Variants in PDE6A observed in about 807,000 individuals in gnomAD.
PDE6A encodes rod cGMP-specific 3',5'-cyclic phosphodiesterase subunit alpha.
PDE6A carries 84 observed loss-of-function variants against 106.3 expected under a neutral mutation model. The ratio of observed to expected loss-of-function variants is 0.79; its 90% CI spans 0.66 to 0.95. PDE6A has a LOEUF of 0.95. PDE6A is among the 40% of genes least tolerant of loss of function. The pLI, the probability that PDE6A is intolerant of heterozygous loss-of-function variation, is 0.00. For missense variants in PDE6A, 1,052 were observed against 1,084.9 expected (o/e 0.97, Z 0.43); for synonymous variants, 394 against 386.6 (o/e 1.02, Z -0.23).
chr5:149,902,682 C>T (rs57622971), intron 8 of PDE6A, among the ~76,000 whole-genome samples: 3 of 151,902 alleles, frequency 2.0e-5, no homozygotes, highest in African/African-American at 4.8e-5. Context: ...ATTAGCCGGG[C>T]GTAGTGGCGG....
chr5:149,889,081 C>CAAAAAAAAAAAAAAAAAAAAAAAAAAAA (rs568428704), intron 13 of PDE6A, among the ~76,000 whole-genome samples: 7 of 61,572 alleles, frequency 1.1e-4, no homozygotes, highest in African/African-American at 3.6e-4. Flanking sequence ...GACTCTGTCT[C>CAAAAAAAAAAAAAAAAAAAAAAAAAAAA]AAAAAAAAAA....
chr5:149,918,153 T>G (rs1049435478), intron 5 of PDE6A, among the ~76,000 whole-genome samples: 5 of 152,218 alleles, frequency 3.3e-5, no homozygotes, highest in Non-Finnish European at 5.9e-5. Flanking sequence ...TGATGGATCC[T>G]AGAGATATAC....
intron 5 of PDE6A, among the ~76,000 whole-genome samples, chr5:149,921,186 C>T (rs963584089): frequency 1.3e-5 from 2 of 152,110 alleles, no homozygotes; most frequent in East Asian, 3.8e-4. Context: ...TCTCTTTCCA[C>T]AGCTGTGAAA....
chr5:149,921,496 G>A (rs1302884262), intron 5 of PDE6A, 139 bp downstream of exon 5: 4 of 668,462 alleles, frequency 6.0e-6, no homozygotes, highest in South Asian at 1.8e-5. Context: ...TTGAATATGA[G>A]AGATTATTCT....
At chr5:149,921,762 G>A in intron 4 of PDE6A, 53 bp from the exon 5 acceptor site, 3 of 1,450,622 alleles carry the variant, frequency 2.1e-6, no homozygotes, top group Non-Finnish European at 2.9e-6. Context: ...TCAAGGAAAG[G>A]AGATTAAGAT....
intron 5 of PDE6A, among the ~76,000 whole-genome samples, chr5:149,915,751 C>T (rs974971619): frequency 6.6e-6 from 1 of 152,200 alleles, no homozygotes; most frequent in Non-Finnish European, 1.5e-5. Flanking sequence ...CAAAAAAGTA[C>T]TCAGGACACT....
At position 149,858,240 on chromosome 5, in the gene PDE6A, GCTA is replaced by G. The variant is rs1190402417; in HGVS notation, c.*2652_*2654del. ...CCTTAAATATGTATACTTTTTATTT[GCTA>G]ATTATACCTCCATAAAGCTGGTGGT... On this transcript the variant is annotated 3_prime_UTR_variant, in exon 22 of 22. Coordinates refer to ENST00000255266, the MANE Select transcript of PDE6A (RefSeq NM_000440.3). 1 of 152,056 alleles carries G rather than the reference GCTA, an allele frequency of 6.6e-6. No individual in the cohort carries two copies. Among genetic ancestry groups the G allele is most frequent in the East Asian group, 1.9e-4 (1 of 5,190 alleles). 9.4% of individuals were successfully genotyped at this position (152,056 alleles called of 1,614,324 possible).
chr5:149,938,367 G>T (rs548768119), intron 1 of PDE6A, among the ~76,000 whole-genome samples: 3 of 152,268 alleles, frequency 2.0e-5, no homozygotes, highest in East Asian at 3.9e-4. Flanking sequence ...ATGTGAGAGG[G>T]TCTACAAATG....
At chr5:149,939,660 G>A (rs1754275436) in intron 1 of PDE6A, among the ~76,000 whole-genome samples, 1 of 152,136 alleles carries the variant, frequency 6.6e-6, no homozygotes, top group Non-Finnish European at 1.5e-5. Flanking sequence ...CTGTGGGGTA[G>A]CTCTTATTTC....
chr5:149,944,733 G>A lies in PDE6A; in HGVS notation c.-60C>T. Reference sequence around the variant, plus strand: ...CTGGGACGGAGGCCTTCCAATGGCAGTTTTGCAGTCTGCAACAAGTCCAGT... The same window carrying A: ...CTGGGACGGAGGCCTTCCAATGGCAATTTTGCAGTCTGCAACAAGTCCAGT... On this transcript the variant is annotated 5_prime_UTR_variant, in exon 1 of 22. Coordinates refer to ENST00000255266, the MANE Select transcript of PDE6A (RefSeq NM_000440.3). 3 of 1,390,450 alleles carry A rather than the reference G, an allele frequency of 2.2e-6. No homozygotes were observed. The highest frequency in any genetic ancestry group is 2.4e-5 in the East Asian group (1 of 41,340). The allele number at this position is 1,390,450 out of a possible 1,614,324, so 86.1% of individuals were successfully genotyped here.
intron 4 of PDE6A, among the ~76,000 whole-genome samples, chr5:149,925,694 G>A (rs1753845734): frequency 1.7e-5 from 2 of 115,614 alleles, no homozygotes; most frequent in Admixed American, 1.0e-4. Flanking sequence ...GTGACAGAAT[G>A]AGACTCTGTC....
chr5:149,866,046 T>G, intron 20 of PDE6A, 124 bp downstream of exon 20: 1 of 727,458 alleles, frequency 1.4e-6, no homozygotes, highest in Non-Finnish European at 2.5e-6. Flanking sequence ...CCATTAGAGA[T>G]GAGAAGCGCT....
At chr5:149,867,529 G>T in intron 19 of PDE6A, 196 bp downstream of exon 19, 1 of 655,648 alleles carries the variant, frequency 1.5e-6, no homozygotes, top group Non-Finnish European at 2.8e-6. Flanking sequence ...GGTGAGGCTT[G>T]TGAATATACA....
At chr5:149,943,424 T>C (rs1378899191) in intron 1 of PDE6A, among the ~76,000 whole-genome samples, 1 of 152,180 alleles carries the variant, frequency 6.6e-6, no homozygotes, top group Non-Finnish European at 1.5e-5. Flanking sequence ...TCTTTCTACA[T>C]AGACACAGTA....
chr5:149,903,611 AT>A, intron 8 of PDE6A, 36 bp downstream of exon 8: 1 of 1,564,228 alleles, frequency 6.4e-7, no homozygotes. Context: ...AGGAAAAAAA[AT>A]CATATGACTA....
In PDE6A at chr5:149,860,929, C is replaced by A. The variant is rs138315990; in HGVS notation, c.2549G>T (p.Gly850Val). ...NQPGGNPSPG[G>V]ATTSKSCCIQ ...GCAGCAGGACTTGGATGTAGTTGCA[C>A]CCCCTGGGCTGGGGTTTCCCCCCGG... The change falls in exon 22 of 22, where the codon GGT (glycine) becomes GTT (valine). Residue 850 changes from glycine to valine, a missense_variant. Physicochemically the swap from Gly to Val is moderately radical, Grantham distance 109. Coordinates refer to ENST00000255266, the MANE Select transcript of PDE6A (RefSeq NM_000440.3). The A allele has an allele frequency of 1.7e-3, 2,771 of 1,614,060 alleles. 4 individuals carry two copies. The highest frequency in any genetic ancestry group is 2.2e-3 in the Non-Finnish European group (2,647 of 1,179,936).
At chr5:149,910,193 C>G (rs919596164) in intron 6 of PDE6A, among the ~76,000 whole-genome samples, 1 of 81,802 alleles carries the variant, frequency 1.2e-5, no homozygotes, top group Admixed American at 1.1e-4. Context: ...TTTGGTATGT[C>G]TATTTTTCTA....
chr5:149,920,990 GAAA>G (rs1753701188), intron 5 of PDE6A, among the ~76,000 whole-genome samples: 1 of 109,786 alleles, frequency 9.1e-6, no homozygotes, highest in Non-Finnish European at 1.6e-5. Context: ...AAGAAAGAAA[GAAA>G]GAAAAAGAAA....
chr5:149,935,102 T>C (rs1223472649), intron 1 of PDE6A, among the ~76,000 whole-genome samples: 2 of 152,214 alleles, frequency 1.3e-5, no homozygotes, highest in Non-Finnish European at 2.9e-5. Context: ...ACAACGACAG[T>C]TGCTAGCAGG....
Sources: gnomAD v4.1 joint callset for allele counts (sites outside exome capture counted in the v4.1 genomes callset) on GRCh38, gnomAD v4.1.1 for gene constraint, MANE v1.5 for transcripts, NCBI Gene and HGNC (gene_info 2026-07-23, HGNC 2026-07-21) for gene names.